STAU2: variants seen among roughly 807,000 people sequenced by gnomAD.
The protein encoded by STAU2 is double-stranded RNA-binding protein Staufen homolog 2.
STAU2 carries 20 observed loss-of-function variants against 65.9 expected under a neutral mutation model. That is an observed-to-expected ratio of 0.30 (90% CI 0.21 to 0.44). STAU2 has a LOEUF of 0.44. Ranked by LOEUF, STAU2 falls within the 20% of genes least tolerant of loss-of-function variation. STAU2 has a pLI of 1.00. For missense variants in STAU2, 558 were observed against 683.9 expected (o/e 0.82, Z 2.05); for synonymous variants, 232 against 233.9 (o/e 0.99, Z 0.07).
chr8:73,562,994 T>C (rs1808342964), intron 12 of STAU2, among the ~76,000 whole-genome samples: 1 of 151,998 alleles, frequency 6.6e-6, no homozygotes, highest in Admixed American at 6.6e-5. Context: ...CTTATCCAAT[T>C]TTTAAATTTT....
intron 5 of STAU2, among the ~76,000 whole-genome samples, chr8:73,677,931 A>G (rs1040310848): frequency 3.0e-4 from 45 of 152,214 alleles, no homozygotes; most frequent in Admixed American, 2.6e-3. Flanking sequence ...ACTTCCTGCT[A>G]TAATCCTCTA....
chr8:73,739,948 C>T, intron 1 of STAU2, 80 bp from the exon 2 acceptor site: 1 of 678,762 alleles, frequency 1.5e-6, no homozygotes. Flanking sequence ...GTCACCTTCT[C>T]TCACTCATTT....
At chr8:73,491,680 G>A (rs753568668) in intron 13 of STAU2, among the ~76,000 whole-genome samples, 3 of 151,918 alleles carry the variant, frequency 2.0e-5, no homozygotes, top group Non-Finnish European at 4.4e-5. Flanking sequence ...ACCTGGAACA[G>A]ATTCAATCAA....
At chr8:73,589,365 C>T (rs1810606305) in intron 11 of STAU2, among the ~76,000 whole-genome samples, 1 of 152,138 alleles carries the variant, frequency 6.6e-6, no homozygotes, top group Non-Finnish European at 1.5e-5. Flanking sequence ...TAAACCACTG[C>T]CAAAACACAG....
At chr8:73,641,196 A>G (rs1297833243) in intron 6 of STAU2, among the ~76,000 whole-genome samples, 1 of 152,154 alleles carries the variant, frequency 6.6e-6, no homozygotes, top group Non-Finnish European at 1.5e-5. Flanking sequence ...AAAGACACAA[A>G]AATTAGCCAG....
intron 13 of STAU2, among the ~76,000 whole-genome samples, chr8:73,434,152 G>A (rs958873995): frequency 1.3e-5 from 2 of 151,444 alleles, no homozygotes; most frequent in South Asian, 4.2e-4. Flanking sequence ...AGGGACAAAG[G>A]GTCCAAGAAA....
intron 4 of STAU2, among the ~76,000 whole-genome samples, chr8:73,694,549 G>A (rs766882213): frequency 4.6e-5 from 7 of 152,184 alleles, no homozygotes; most frequent in Non-Finnish European, 8.8e-5. Flanking sequence ...GAGCAAGATG[G>A]TGGAACAAAA....
At chr8:73,518,437 T>C (rs1028749108) in intron 13 of STAU2, among the ~76,000 whole-genome samples, 3 of 152,196 alleles carry the variant, frequency 2.0e-5, no homozygotes, top group Admixed American at 1.3e-4. Flanking sequence ...GTGCAGGCAA[T>C]AAGGTCTCTG....
chr8:73,615,831 C>A (rs1812797581), intron 7 of STAU2, 49 bp from the exon 8 acceptor site: 2 of 1,414,156 alleles, frequency 1.4e-6, no homozygotes, highest in South Asian at 2.3e-5. Context: ...TTATAACAAA[C>A]TTTACTTTTA....
At chr8:73,606,331 A>G (rs1812034448) in intron 9 of STAU2, among the ~76,000 whole-genome samples, 1 of 152,034 alleles carries the variant, frequency 6.6e-6, no homozygotes, top group Non-Finnish European at 1.5e-5. Flanking sequence ...CAAAGTACAT[A>G]TGTAATAAAG....
intron 13 of STAU2, among the ~76,000 whole-genome samples, chr8:73,457,334 C>G (rs774660100): frequency 5.3e-5 from 8 of 152,350 alleles, no homozygotes; most frequent in Non-Finnish European, 7.4e-5. Flanking sequence ...CCCTTGGAGG[C>G]TGCAGCCCTC....
At chr8:73,518,973 C>T (rs374421712) in intron 13 of STAU2, among the ~76,000 whole-genome samples, 7 of 152,242 alleles carry the variant, frequency 4.6e-5, no homozygotes, top group African/African-American at 1.7e-4. Context: ...TTTACCAAAG[C>T]AAACATTAAA....
chr8:73,693,031 C>T (rs144955361), intron 4 of STAU2, among the ~76,000 whole-genome samples: 1 of 152,060 alleles, frequency 6.6e-6, no homozygotes, highest in Non-Finnish European at 1.5e-5. Flanking sequence ...CATGGTGGTG[C>T]GCACCTATAG....
At chr8:73,550,308 C>T (rs1285484318) in intron 13 of STAU2, 3 of 983,430 alleles carry the variant, frequency 3.1e-6, no homozygotes, top group Non-Finnish European at 3.6e-6. Flanking sequence ...GCAGACTCTA[C>T]ATGTTGACTA....
chr8:73,549,720 A>C, intron 13 of STAU2: 4 of 985,800 alleles, frequency 4.1e-6, no homozygotes, highest in Non-Finnish European at 4.8e-6. Flanking sequence ...AAGGGTTTAC[A>C]CAATATTCAA....
chr8:73,456,387 A>G (rs538726531), intron 13 of STAU2, among the ~76,000 whole-genome samples: 13 of 152,360 alleles, frequency 8.5e-5, no homozygotes, highest in Non-Finnish European at 1.5e-4. Flanking sequence ...TGGAGAAAGA[A>G]TAACTGAAAT....
At chr8:73,530,412 C>A (rs1373900276) in intron 13 of STAU2, among the ~76,000 whole-genome samples, 1 of 152,112 alleles carries the variant, frequency 6.6e-6, no homozygotes, top group African/African-American at 2.4e-5. Flanking sequence ...ACAAAGAACA[C>A]ACAAAGGAAC....
chr8:73,727,241 T>A (rs371067321), intron 3 of STAU2, among the ~76,000 whole-genome samples: 154 of 152,068 alleles, frequency 1.0e-3, no homozygotes, highest in African/African-American at 3.6e-3. Flanking sequence ...AAAAAATAAA[T>A]AAATAAAAAA....
intron 13 of STAU2, among the ~76,000 whole-genome samples, chr8:73,487,080 G>A (rs775357391): frequency 4.6e-5 from 7 of 152,148 alleles, no homozygotes; most frequent in Non-Finnish European, 7.4e-5. Context: ...CTCTTGAGAC[G>A]TCTGGAAGTG....
Sources: gnomAD v4.1 joint callset for allele counts (sites outside exome capture counted in the v4.1 genomes callset) on GRCh38, gnomAD v4.1.1 for gene constraint, MANE v1.5 for transcripts, NCBI Gene and HGNC (gene_info 2026-07-23, HGNC 2026-07-21) for gene names.